Variants in PDZRN4 observed in about 807,000 individuals in gnomAD.
The protein encoded by PDZRN4 is PDZ domain containing ring finger 4.
In PDZRN4, 70 loss-of-function variants were observed where a neutral mutation model predicts 99.0. That is an observed-to-expected ratio of 0.71 (90% CI 0.58 to 0.86). The LOEUF is 0.86. Ranked by LOEUF, PDZRN4 falls within the 40% of genes least tolerant of loss-of-function variation. PDZRN4 has a pLI of 0.00. For missense variants in PDZRN4, 1,474 were observed against 1,331.2 expected (o/e 1.11, Z -1.67); for synonymous variants, 551 against 501.6 (o/e 1.10, Z -1.32).
intron 3 of PDZRN4, among the ~76,000 whole-genome samples, chr12:41,364,227 G>A (rs1317863131): frequency 6.6e-6 from 1 of 152,054 alleles, no homozygotes; most frequent in Non-Finnish European, 1.5e-5. Flanking sequence ...TAATTCTGGT[G>A]CTTTTTAAAT....
chr12:41,254,610 C>T (rs1364474425), intron 3 of PDZRN4, among the ~76,000 whole-genome samples: 1 of 152,200 alleles, frequency 6.6e-6, no homozygotes, highest in African/African-American at 2.4e-5. Flanking sequence ...TTCCTATGTG[C>T]CAGAAATTAT....
At chr12:41,441,471 T>C (rs375346096) in intron 3 of PDZRN4, among the ~76,000 whole-genome samples, 1 of 152,120 alleles carries the variant, frequency 6.6e-6, no homozygotes, top group South Asian at 2.1e-4. Flanking sequence ...GCATTGAAAG[T>C]AACAATATTG....
intron 3 of PDZRN4, among the ~76,000 whole-genome samples, chr12:41,205,033 A>T (rs925994732): frequency 6.6e-6 from 1 of 151,832 alleles, no homozygotes; most frequent in Admixed American, 6.6e-5. Flanking sequence ...TTTTATTTTT[A>T]TGATTCATAG....
chr12:41,483,782 T>C (rs1244198641), intron 3 of PDZRN4, among the ~76,000 whole-genome samples: 3 of 152,186 alleles, frequency 2.0e-5, no homozygotes, highest in African/African-American at 7.2e-5. Flanking sequence ...ATCTAGCCTT[T>C]GCTCCAATGT....
intron 3 of PDZRN4, among the ~76,000 whole-genome samples, chr12:41,376,421 C>T (rs1210203584): frequency 2.0e-5 from 3 of 152,032 alleles, no homozygotes; most frequent in Admixed American, 6.6e-5. Context: ...AATAGCCATC[C>T]TAACAGGTGT....
intron 5 of PDZRN4, among the ~76,000 whole-genome samples, chr12:41,545,012 C>A (rs1161233562): frequency 6.6e-6 from 1 of 152,222 alleles, no homozygotes; most frequent in Non-Finnish European, 1.5e-5. Flanking sequence ...ACACTGCTTG[C>A]ATTCAAGCCC....
At chr12:41,205,876 C>A (rs984198576) in intron 3 of PDZRN4, among the ~76,000 whole-genome samples, 1 of 151,892 alleles carries the variant, frequency 6.6e-6, no homozygotes, top group Non-Finnish European at 1.5e-5. Flanking sequence ...TTCCCTTCTT[C>A]CCCTGTTCCT....
chr12:41,270,252 C>T (rs527422416), intron 3 of PDZRN4, among the ~76,000 whole-genome samples: 14 of 148,326 alleles, frequency 9.4e-5, no homozygotes, highest in African/African-American at 2.5e-4. Context: ...ATTTTTGGAT[C>T]GTAACTATTG....
chr12:41,382,745 CATGTA>C (rs1952136616), intron 3 of PDZRN4, among the ~76,000 whole-genome samples: 1 of 152,146 alleles, frequency 6.6e-6, no homozygotes, highest in Admixed American at 6.5e-5. Context: ...TTTTTTCATT[CATGTA>C]ATGTGTTTCT....
intron 3 of PDZRN4, among the ~76,000 whole-genome samples, chr12:41,315,745 C>T (rs1038323103): frequency 6.6e-6 from 1 of 152,050 alleles, no homozygotes; most frequent in Non-Finnish European, 1.5e-5. Context: ...AGGTAAATTG[C>T]CCTGCCCTTA....
chr12:41,219,857 T>C (rs1950942427), intron 3 of PDZRN4, among the ~76,000 whole-genome samples: 1 of 152,296 alleles, frequency 6.6e-6, no homozygotes, highest in East Asian at 1.9e-4. Context: ...CTGCTGTAGC[T>C]TCTGCTACTG....
chr12:41,319,569 C>T (rs532497261), intron 3 of PDZRN4, among the ~76,000 whole-genome samples: 24 of 152,246 alleles, frequency 1.6e-4, no homozygotes, highest in African/African-American at 5.8e-4. Flanking sequence ...CACCTTGGCA[C>T]AAATCTCTTT....
intron 3 of PDZRN4, among the ~76,000 whole-genome samples, chr12:41,228,359 G>A (rs1258183595): frequency 2.0e-5 from 3 of 152,128 alleles, no homozygotes; most frequent in Non-Finnish European, 4.4e-5. Context: ...TGGGGCAGAA[G>A]TCAGACTTAC....
intron 5 of PDZRN4, among the ~76,000 whole-genome samples, chr12:41,545,063 C>T (rs1444688902): frequency 1.3e-5 from 2 of 152,336 alleles, no homozygotes; most frequent in East Asian, 3.9e-4. Context: ...CGCTTAATCC[C>T]TCCAACTCAC....
At chr12:41,478,870 A>G (rs1289486049) in intron 3 of PDZRN4, among the ~76,000 whole-genome samples, 2 of 152,192 alleles carry the variant, frequency 1.3e-5, no homozygotes, top group South Asian at 2.1e-4. Flanking sequence ...TGTTAAAACC[A>G]TATTACTTCA....
intron 3 of PDZRN4, among the ~76,000 whole-genome samples, chr12:41,227,876 TACACACACACAC>T (rs138441771): frequency 0.023 from 2,161 of 94,210 alleles, 34 homozygotes; most frequent in East Asian, 0.068. Context: ...AGCAAAAATC[TACACACACACAC>T]ACACACACAC....
At chr12:41,552,824 G>A (rs1204809295) in intron 6 of PDZRN4, 70 bp downstream of exon 6, 9 of 1,194,552 alleles carry the variant, frequency 7.5e-6, no homozygotes, top group Admixed American at 3.5e-5. Context: ...GACTCACAAT[G>A]AGAAAACCCT....
At position 41,354,966 on chromosome 12, in the gene PDZRN4, T is replaced by C. The variant is rs12232019; in HGVS notation, c.844-151490T>C. Among the ~76,000 whole-genome samples, 493 of 152,174 alleles carry C rather than the reference T, an allele frequency of 3.2e-3. 18 individuals are homozygous for C. The East Asian group carries it at 0.088, about 27-fold the overall frequency. Reference sequence around the variant, plus strand: ...GTAATGCAGTGGAATTGAGGCAAGGTAAATTCCATGTTAGTAGATGCAAAG... The same window carrying C: ...GTAATGCAGTGGAATTGAGGCAAGGCAAATTCCATGTTAGTAGATGCAAAG... On this transcript the variant is annotated intron_variant, in intron 3 of 9. Coordinates refer to ENST00000402685, the MANE Select transcript of PDZRN4 (RefSeq NM_001164595.2).
intron 3 of PDZRN4, among the ~76,000 whole-genome samples, chr12:41,430,565 G>T (rs1952579352): frequency 3.9e-5 from 6 of 152,026 alleles, no homozygotes; most frequent in Admixed American, 3.9e-4. Context: ...GTGTGTGTGT[G>T]TGCATGCATC....
Sources: allele counts gnomAD v4.1 joint callset (sites outside exome capture counted in the v4.1 genomes callset), GRCh38; gene constraint gnomAD v4.1.1; transcripts MANE v1.5; gene names NCBI Gene and HGNC (gene_info 2026-07-23, HGNC 2026-07-21).